Variants in PRKAA2 observed in about 807,000 individuals in gnomAD.
The protein encoded by PRKAA2 is protein kinase AMP-activated catalytic subunit alpha 2, also known as 5'-AMP-activated protein kinase catalytic subunit alpha-2.
Under a neutral mutation model 56.3 loss-of-function variants are expected in PRKAA2, and 40 were observed. That is an observed-to-expected ratio of 0.71 (90% CI 0.55 to 0.92). The LOEUF (loss-of-function observed/expected upper bound fraction) is 0.92, where lower values mean the gene tolerates loss of function less well. Among genes scored for constraint, PRKAA2 ranks in the 40% least tolerant of loss-of-function variants. The pLI is 0.00. For synonymous variants in PRKAA2, 214 were observed against 234.2 expected (o/e 0.91, Z 0.79); for missense variants, 542 against 686.9 (o/e 0.79, Z 2.36).
chr1:56,684,576 C>T (rs917440122), intron 2 of PRKAA2, among the ~76,000 whole-genome samples: 5 of 152,076 alleles, frequency 3.3e-5, no homozygotes, highest in East Asian at 1.9e-4. Flanking sequence ...TTAGGGGAAT[C>T]GGGTATCTTG....
intron 1 of PRKAA2, among the ~76,000 whole-genome samples, chr1:56,672,055 G>A (rs1370790915): frequency 1.3e-5 from 2 of 152,132 alleles, no homozygotes; most frequent in Non-Finnish European, 2.9e-5. Context: ...GCTACCAAGT[G>A]AAATAGAAGA....
chr1:56,686,653 A>G (rs1051691501), intron 2 of PRKAA2, among the ~76,000 whole-genome samples: 2 of 152,000 alleles, frequency 1.3e-5, no homozygotes, highest in Non-Finnish European at 2.9e-5. Flanking sequence ...TCCTTTAAAC[A>G]ACCAGCTCTC....
At position 56,701,382 on chromosome 1, in the gene PRKAA2, G is replaced by A. The variant is rs560501328; in HGVS notation, c.789-2589G>A. Among the ~76,000 whole-genome samples the A allele has an allele frequency of 1.1e-4, 17 of 151,440 alleles. No individual in the cohort carries two copies. The East Asian group carries it at 1.8e-3, about 16-fold the overall frequency. ...TGCACTCCAGCCTGGGTGACAGAGC[G>A]AGACTCCATCTCAAAAAAAAATATA... is the stretch of plus-strand genomic sequence containing the variant. On this transcript the variant is annotated intron_variant, in intron 6 of 8. Coordinates refer to ENST00000371244, the MANE Select transcript of PRKAA2 (RefSeq NM_006252.4).
At chr1:56,651,979 C>T (rs1214058941) in intron 1 of PRKAA2, among the ~76,000 whole-genome samples, 2 of 149,616 alleles carry the variant, frequency 1.3e-5, no homozygotes, top group African/African-American at 4.9e-5. Context: ...GTAGCTGAGA[C>T]TACAGGCGCC....
rs1420330686 is a variant in PRKAA2 at position 56,710,468 on chromosome 1, AACTT to A, written c.*2757_*2760del. On this transcript the variant is annotated 3_prime_UTR_variant, in exon 9 of 9. Transcript: ENST00000371244. Reference sequence around the variant, plus strand: ...CCCAAATTAATTTTTCATTTTAAAAAACTTAATAGCCCATGAAAAGCAAATTTGG... The same window carrying A: ...CCCAAATTAATTTTTCATTTTAAAAAAATAGCCCATGAAAAGCAAATTTGG... 3 of 152,138 alleles carry A rather than the reference AACTT, an allele frequency of 2.0e-5. No homozygotes were observed. Among genetic ancestry groups the A allele is most frequent in the Non-Finnish European group, 2.9e-5 (2 of 67,976 alleles). The allele number at this position is 152,138 out of a possible 1,614,324, so 9.4% of individuals were successfully genotyped here. A position where few individuals can be genotyped will look rare whatever the true frequency, so the allele number is the denominator to read the frequency against.
At chr1:56,658,565 ATGT>A (rs1643964401) in intron 1 of PRKAA2, among the ~76,000 whole-genome samples, 2 of 140,736 alleles carry the variant, frequency 1.4e-5, no homozygotes, top group Non-Finnish European at 3.0e-5. Context: ...ATAATGGTAA[ATGT>A]TGTTGTTTTT....
chr1:56,706,318 G>A lies in PRKAA2; in HGVS notation c.1420+100G>A, dbSNP rs1327447239. 5 of 1,402,702 alleles carry A rather than the reference G, an allele frequency of 3.6e-6. No individual in the cohort carries two copies. The African/African-American group carries it at 7.2e-5, about 20-fold the overall frequency. The allele number at this position is 1,402,702 out of a possible 1,614,324, so 86.9% of individuals were successfully genotyped here. A position where few individuals can be genotyped will look rare whatever the true frequency, so the allele number is the denominator to read the frequency against. The stretch of plus-strand genomic sequence containing the variant: ...CGAAGACATCCGGTGGGTAGGTCCT[G>A]CACTGGTTTTTAAGCAATCTAGACT... On this transcript the variant is annotated intron_variant, in intron 8 of 8. Transcript: ENST00000371244.
rs573148373 is a variant in PRKAA2, at chr1:56,678,426, T to C, written c.236+3904T>C. Among the ~76,000 whole-genome samples, 7 of 152,280 alleles carry C rather than the reference T, an allele frequency of 4.6e-5. No homozygotes were observed. The East Asian group carries it at 5.8e-4, about 13-fold the overall frequency. Reference sequence around the variant, plus strand: ...TAGAATTAGCAAGAAAGTTTGAGCATTGAATGCCAAGAATGAAGGATATTT... The same window carrying C: ...TAGAATTAGCAAGAAAGTTTGAGCACTGAATGCCAAGAATGAAGGATATTT... On this transcript the variant is annotated intron_variant, in intron 2 of 8. Transcript: ENST00000371244.
chr1:56,671,980 G>A (rs1179344237), intron 1 of PRKAA2, among the ~76,000 whole-genome samples: 1 of 152,134 alleles, frequency 6.6e-6, no homozygotes, highest in African/African-American at 2.4e-5. Context: ...GTTAAAATAT[G>A]ACTCCAAGAA....
intron 1 of PRKAA2, among the ~76,000 whole-genome samples, chr1:56,663,921 A>C (rs891810641): frequency 6.6e-6 from 1 of 152,004 alleles, no homozygotes; most frequent in African/African-American, 2.4e-5. Context: ...GCAACATAGC[A>C]AGACCCTGTC....
chr1:56,655,280 ATTT>A (rs1207874046), intron 1 of PRKAA2, among the ~76,000 whole-genome samples: 2 of 93,642 alleles, frequency 2.1e-5, no homozygotes, highest in Middle Eastern at 7.0e-3. Context: ...ATATATATAT[ATTT>A]TTTTTTTTTT....
intron 2 of PRKAA2, among the ~76,000 whole-genome samples, chr1:56,690,147 G>A (rs72668321): frequency 0.028 from 4,216 of 151,174 alleles, 111 homozygotes; most frequent in East Asian, 0.12. Flanking sequence ...AATAACATAA[G>A]CATAGTATCA....
At chr1:56,688,769 A>G (rs1339348067) in intron 2 of PRKAA2, among the ~76,000 whole-genome samples, 1 of 152,228 alleles carries the variant, frequency 6.6e-6, no homozygotes, top group African/African-American at 2.4e-5. Context: ...TTGAGAGGCT[A>G]CTGGAGATCA....
rs1644394953 is a variant in PRKAA2 at position 56,714,790 on chromosome 1, T to G, written c.*7077T>G. ...GCTTAAATATACAGTGGATTTTGAA[T>G]GCAACAAATAAAACTGAAAACAGCC... On this transcript the variant is annotated 3_prime_UTR_variant, in exon 9 of 9. Transcript: ENST00000371244. 6.6e-6 allele frequency: 1 copy of G among 152,158 alleles called. No homozygotes were observed. 9.4% of individuals were successfully genotyped at this position (152,158 alleles called of 1,614,324 possible).
intron 2 of PRKAA2, among the ~76,000 whole-genome samples, chr1:56,684,448 C>A (rs909267471): frequency 6.6e-6 from 1 of 151,878 alleles, no homozygotes; most frequent in African/African-American, 2.4e-5. Context: ...GATGAAATCA[C>A]CAAGATAAAC....
At chr1:56,662,630 T>C (rs1024556021) in intron 1 of PRKAA2, among the ~76,000 whole-genome samples, 2 of 152,170 alleles carry the variant, frequency 1.3e-5, no homozygotes, top group African/African-American at 4.8e-5. Context: ...CAAGATACTT[T>C]TGTAAGCAAT....
intron 1 of PRKAA2, among the ~76,000 whole-genome samples, chr1:56,658,587 TC>T (rs35263676): frequency 0.34 from 44,030 of 130,176 alleles, 8,694 homozygotes; most frequent in Admixed American, 0.48. Flanking sequence ...TTTTTTTTCT[TC>T]CCCCCCCCCG....
In PRKAA2 at chr1:56,714,463, G is replaced by T. The variant is rs1644392503; in HGVS notation, c.*6750G>T. 1 of 152,044 alleles carries T rather than the reference G, an allele frequency of 6.6e-6. No homozygotes were observed. Among genetic ancestry groups the T allele is most frequent in the African/African-American group, 2.4e-5 (1 of 41,418 alleles). 9.4% of individuals were successfully genotyped at this position (152,044 alleles called of 1,614,324 possible). ...TTGATACTGATAGGATGAGTATCTT[G>T]ATTTTTAGGTAAGATCACAGTTTCA... On this transcript the variant is annotated 3_prime_UTR_variant, in exon 9 of 9. Transcript: ENST00000371244.
intron 1 of PRKAA2, among the ~76,000 whole-genome samples, chr1:56,664,763 A>G (rs1453236449): frequency 1.3e-5 from 2 of 151,934 alleles, no homozygotes; most frequent in African/African-American, 4.8e-5. Flanking sequence ...TTTCTCTTCT[A>G]CAGGAACTCT....
Sources: gnomAD v4.1 joint callset for allele counts (sites outside exome capture counted in the v4.1 genomes callset) on GRCh38, gnomAD v4.1.1 for gene constraint, MANE v1.5 for transcripts, NCBI Gene and HGNC (gene_info 2026-07-23, HGNC 2026-07-21) for gene names.